The following AGBL4 variants were observed in gnomAD, a reference collection of about 807,000 sequenced individuals.
The protein encoded by AGBL4 is AGBL carboxypeptidase 4.
AGBL4 carries 58 observed loss-of-function variants against 66.4 expected under a neutral mutation model. The ratio of observed to expected loss-of-function variants is 0.87; its 90% confidence interval spans 0.71 to 1.09. AGBL4 has a LOEUF of 1.09. Among genes scored for constraint, AGBL4 ranks in the 50% least tolerant of loss-of-function variants. The pLI, the probability that AGBL4 is intolerant of heterozygous loss-of-function variation, is 0.00. For synonymous variants in AGBL4, 234 were observed against 222.9 expected (o/e 1.05, Z -0.44); for missense variants, 579 against 631.0 (o/e 0.92, Z 0.88).
chr1:49,042,154 A>G (rs771470155), intron 5 of AGBL4, among the ~76,000 whole-genome samples: 3 of 152,058 alleles, frequency 2.0e-5, no homozygotes, highest in Non-Finnish European at 4.4e-5. Flanking sequence ...TATACCTTGT[A>G]TATATACAAG....
intron 1 of AGBL4, among the ~76,000 whole-genome samples, chr1:49,977,169 C>T (rs1658632171): frequency 6.6e-6 from 1 of 152,128 alleles, no homozygotes; most frequent in Non-Finnish European, 1.5e-5. Flanking sequence ...CTTCCATGAG[C>T]TTCACCTCCC....
rs1473951333 is a variant in AGBL4, at chr1:49,324,612, A to G, written c.283-78748T>C. 2.6e-5 allele frequency among the ~76,000 whole-genome samples: 4 copies of G among 152,230 alleles called. No individual in the cohort carries two copies. The South Asian group carries it at 8.3e-4, about 32-fold the overall frequency. ...CTTAAAATAAAGTGAGTCCTAGAAA[A>G]GCAGGTATCTAGGAGTGACCTTCAG... is the stretch of plus-strand genomic sequence containing the variant. On this transcript the variant is annotated intron_variant, in intron 3 of 13. Transcript: ENST00000371839.
chr1:49,759,233 A>G (rs1234471368), intron 2 of AGBL4, among the ~76,000 whole-genome samples: 2 of 151,876 alleles, frequency 1.3e-5, no homozygotes, highest in African/African-American at 2.4e-5. Flanking sequence ...GACTAAATAC[A>G]CTCTGATATG....
At chr1:48,995,974 T>A (rs574216839) in intron 5 of AGBL4, among the ~76,000 whole-genome samples, 1 of 152,018 alleles carries the variant, frequency 6.6e-6, no homozygotes, top group Non-Finnish European at 1.5e-5. Flanking sequence ...TCCAAACATA[T>A]AATAGTGACC....
chr1:49,472,047 T>G (rs1343192618), intron 3 of AGBL4: 3 of 152,046 alleles, frequency 2.0e-5, no homozygotes, highest in African/African-American at 4.8e-5. Context: ...AGAATAGTCT[T>G]GTGGAAAATC....
chr1:48,994,248 A>T (rs1660836901), intron 5 of AGBL4, among the ~76,000 whole-genome samples: 1 of 151,944 alleles, frequency 6.6e-6, no homozygotes, highest in Non-Finnish European at 1.5e-5. Context: ...CCTAATTGAC[A>T]TTTCTTTCTT....
intron 6 of AGBL4, among the ~76,000 whole-genome samples, chr1:48,721,260 C>G (rs1647142332): frequency 6.6e-6 from 1 of 152,146 alleles, no homozygotes; most frequent in Non-Finnish European, 1.5e-5. Context: ...AAGAGACCCT[C>G]ACAGTCCCTG....
intron 1 of AGBL4, among the ~76,000 whole-genome samples, chr1:49,861,089 C>A (rs1646561022): frequency 6.6e-6 from 1 of 152,118 alleles, no homozygotes; most frequent in African/African-American, 2.4e-5. Flanking sequence ...CTGATGCCCA[C>A]CCACAGAGAG....
chr1:48,743,786 C>A (rs1650302944), intron 6 of AGBL4, among the ~76,000 whole-genome samples: 2 of 152,186 alleles, frequency 1.3e-5, no homozygotes, highest in Non-Finnish European at 2.9e-5. Context: ...AATCTGCTTG[C>A]CACTCTGGGT....
chr1:49,447,198 C>A (rs948667121), intron 3 of AGBL4, among the ~76,000 whole-genome samples: 1 of 152,206 alleles, frequency 6.6e-6, no homozygotes, highest in African/African-American at 2.4e-5. Context: ...AAACCAAGTA[C>A]AAAGTTTGTG....
intron 6 of AGBL4, chr1:48,818,044 A>G (rs1646224369): frequency 1.4e-6 from 1 of 706,508 alleles, no homozygotes; most frequent in Non-Finnish European, 2.6e-6. Context: ...TCAAATTCAT[A>G]TCTGATAGTC....
chr1:49,895,480 T>C (rs1008963175), intron 1 of AGBL4, among the ~76,000 whole-genome samples: 1 of 152,004 alleles, frequency 6.6e-6, no homozygotes, highest in Non-Finnish European at 1.5e-5. Flanking sequence ...AAAATAAATA[T>C]AACAACTTTT....
intron 5 of AGBL4, among the ~76,000 whole-genome samples, chr1:48,895,699 A>G (rs1651436803): frequency 6.6e-6 from 1 of 152,190 alleles, no homozygotes; most frequent in Admixed American, 6.5e-5. Flanking sequence ...CTCAGATGGT[A>G]GGTCCCACTG....
chr1:48,617,191 C>T (rs1170092156), intron 9 of AGBL4, among the ~76,000 whole-genome samples: 1 of 152,176 alleles, frequency 6.6e-6, no homozygotes, highest in Non-Finnish European at 1.5e-5. Flanking sequence ...CTTTTTATGA[C>T]TGTGACAACA....
chr1:49,313,257 C>A (rs1388169165), intron 3 of AGBL4, among the ~76,000 whole-genome samples: 1 of 152,136 alleles, frequency 6.6e-6, no homozygotes, highest in Non-Finnish European at 1.5e-5. Context: ...GCCACATTTT[C>A]TTTAACCAGT....
intron 6 of AGBL4, among the ~76,000 whole-genome samples, chr1:48,701,056 C>T (rs1413649673): frequency 2.0e-5 from 3 of 152,138 alleles, no homozygotes; most frequent in Non-Finnish European, 2.9e-5. Flanking sequence ...TGCACTAATG[C>T]CCAAGCCCAG....
chr1:48,578,340 G>A (rs1269023822), intron 11 of AGBL4, among the ~76,000 whole-genome samples: 2 of 152,220 alleles, frequency 1.3e-5, no homozygotes, highest in East Asian at 1.9e-4. Flanking sequence ...TAGTCAATCA[G>A]AAGGATTCAT....
intron 4 of AGBL4, among the ~76,000 whole-genome samples, chr1:49,224,547 G>A (rs1166988108): frequency 6.7e-6 from 1 of 148,982 alleles, no homozygotes; most frequent in African/African-American, 2.5e-5. Flanking sequence ...GACCCAGGAG[G>A]CAGAGCTTGC....
At chr1:48,857,126 T>C (rs943606045) in intron 6 of AGBL4, among the ~76,000 whole-genome samples, 1 of 152,212 alleles carries the variant, frequency 6.6e-6, no homozygotes, top group Non-Finnish European at 1.5e-5. Context: ...CCTTATGGTA[T>C]AACAGGGAGA....
Sources: gnomAD v4.1 joint callset for allele counts (sites outside exome capture counted in the v4.1 genomes callset) on GRCh38, gnomAD v4.1.1 for gene constraint, MANE v1.5 for transcripts, NCBI Gene and HGNC (gene_info 2026-07-23, HGNC 2026-07-21) for gene names.